TUBB8: variants seen among roughly 807,000 people sequenced by gnomAD.
TUBB8 encodes the protein tubulin beta-8 chain.
Under a neutral mutation model 33.7 loss-of-function variants are expected in TUBB8, and 25 were observed. That is an observed-to-expected ratio of 0.74 (90% CI 0.54 to 1.04). TUBB8 has a LOEUF of 1.04. Among genes scored for constraint, TUBB8 ranks in the 50% least tolerant of loss-of-function variants. TUBB8 has a pLI of 0.00. For missense variants in TUBB8, 279 were observed against 608.0 expected, an observed-to-expected ratio of 0.46 and a Z score of 5.69; for synonymous variants, 245 against 240.1, an observed-to-expected ratio of 1.02 and a Z score of -0.19.
At chr10:74,336 A>C (rs1384970731), upstream of TUBB8, among the ~76,000 whole-genome samples, 1 of 151,572 alleles carries the variant, frequency 6.6e-6, no homozygotes, top group Non-Finnish European at 1.5e-5. Flanking sequence ...ACGCATGGAG[A>C]TAGCAATCGA....
At chr10:58,613 G>A (rs570824161) in intron 1 of TUBB8, among the ~76,000 whole-genome samples, 149 of 152,286 alleles carry the variant, frequency 9.8e-4, no homozygotes, top group African/African-American at 3.5e-3. Context: ...GCAAAAAGCA[G>A]GAGCAGAAAA....
At chr10:67,130 CTGAGT>C (rs1834680453) in intron 1 of TUBB8, among the ~76,000 whole-genome samples, 1 of 145,494 alleles carries the variant, frequency 6.9e-6, no homozygotes, top group Non-Finnish European at 1.5e-5. Context: ...ATGTGAGCCT[CTGAGT>C]TGTTTTGTTT....
intron 1 of TUBB8, among the ~76,000 whole-genome samples, chr10:65,226 AC>A (rs1834655473): frequency 6.6e-6 from 1 of 152,154 alleles, no homozygotes; most frequent in South Asian, 2.1e-4. Context: ...TTTGACCCAG[AC>A]CTCATCATAC....
intron 1 of TUBB8, among the ~76,000 whole-genome samples, chr10:66,012 A>T (rs1217607907): frequency 2.6e-5 from 4 of 152,252 alleles, no homozygotes; most frequent in Non-Finnish European, 5.9e-5. Context: ...TCTAAACACC[A>T]CAATCGGACT....
chr10:47,932 T>C lies in TUBB8; in HGVS notation c.460A>G (p.Lys154Glu). ...GSGMGTLLLSKIREEYPDRII... is the reference protein window; with the variant it reads ...GSGMGTLLLSEIREEYPDRII... ...CTGTCTGGGTACTCCTCCCGGATCTTACTGAGCAGAAGGGTACCCATCCCA... is the reference window on the plus strand; with the variant it reads ...CTGTCTGGGTACTCCTCCCGGATCTCACTGAGCAGAAGGGTACCCATCCCA... Residue 154 changes from lysine (K) to glutamate (E), a missense_variant, in exon 4 of 4, where the codon AAG (lysine) becomes GAG (glutamate). Coordinates refer to ENST00000568584, the MANE Select transcript of TUBB8 (RefSeq NM_177987.3). The C allele has an allele frequency of 6.2e-7, 1 of 1,614,034 alleles. No individual in the cohort carries two copies. The highest frequency in any genetic ancestry group is 8.5e-7 in the Non-Finnish European group (1 of 1,180,042).
chr10:60,606 G>A (rs1394069196), intron 1 of TUBB8, among the ~76,000 whole-genome samples: 152 of 152,196 alleles, frequency 1.0e-3, no homozygotes, highest in African/African-American at 3.5e-3. Context: ...GGAGAAATAG[G>A]AACACTTTTA....
At chr10:49,591 T>G (rs1336914907), upstream of TUBB8, 1 of 531,308 alleles carries the variant, frequency 1.9e-6, no homozygotes. Context: ...TGTTTCCATA[T>G]GCACGGAGTG....
At chr10:48,174 C>T (rs1554738630) in intron 3 of TUBB8, 60 bp from the exon 4 acceptor site, 3 of 1,096,414 alleles carry the variant, frequency 2.7e-6, no homozygotes, top group East Asian at 2.4e-5. Context: ...GTGGTCACCA[C>T]CATAATGCAG....
chr10:70,848 A>G (rs548920834), intron 1 of TUBB8, among the ~76,000 whole-genome samples: 2 of 152,212 alleles, frequency 1.3e-5, no homozygotes, highest in South Asian at 4.1e-4. Context: ...GTCTCAAAAA[A>G]TAAAAAATAA....
chr10:66,484 AC>A (rs1834672320), intron 1 of TUBB8, among the ~76,000 whole-genome samples: 1 of 152,204 alleles, frequency 6.6e-6, no homozygotes. Flanking sequence ...CACTCTCTCT[AC>A]AAATAACTTA....
chr10:54,643 A>G (rs1250847733), intron 1 of TUBB8, among the ~76,000 whole-genome samples: 1 of 152,216 alleles, frequency 6.6e-6, no homozygotes, highest in African/African-American at 2.4e-5. Flanking sequence ...TAAATGTCCA[A>G]TTAAATTTTT....
At chr10:64,489 C>T (rs1302891722) in intron 1 of TUBB8, among the ~76,000 whole-genome samples, 1 of 151,658 alleles carries the variant, frequency 6.6e-6, no homozygotes, top group African/African-American at 2.4e-5. Context: ...TAACCCCTAA[C>T]CCTAACCCTC....
At chr10:76,353 G>C (rs7913518), upstream of TUBB8, among the ~76,000 whole-genome samples, 177 of 152,194 alleles carry the variant, frequency 1.2e-3, 1 homozygote, top group African/African-American at 4.2e-3. Context: ...AGCCGCCCAA[G>C]CCTCCATGAA....
intron 1 of TUBB8, among the ~76,000 whole-genome samples, chr10:58,004 T>C (rs1834554457): frequency 6.6e-6 from 1 of 152,248 alleles, no homozygotes; most frequent in African/African-American, 2.4e-5. Flanking sequence ...CATGTGAGCA[T>C]AGGTTGTTAG....
intron 1 of TUBB8, among the ~76,000 whole-genome samples, chr10:65,532 C>T (rs1834659361): frequency 6.6e-6 from 1 of 152,206 alleles, no homozygotes; most frequent in East Asian, 1.9e-4. Flanking sequence ...TGAGACCAGT[C>T]TTGCCAACAT....
upstream of TUBB8, among the ~76,000 whole-genome samples, chr10:75,444 C>A (rs1834798798): frequency 6.6e-6 from 1 of 151,512 alleles, no homozygotes; most frequent in Non-Finnish European, 1.5e-5. Context: ...CACCTGAGGT[C>A]AGGAGTTCGA....
chr10:58,695 C>A (rs1379029994), intron 1 of TUBB8, among the ~76,000 whole-genome samples: 1 of 152,122 alleles, frequency 6.6e-6, no homozygotes, highest in African/African-American at 2.4e-5. Context: ...GAAGATAGTA[C>A]CAAGTGGGAT....
At chr10:46,605 A>C (rs1219857601), downstream of TUBB8, among the ~76,000 whole-genome samples, 1 of 145,028 alleles carries the variant, frequency 6.9e-6, no homozygotes, top group Admixed American at 7.0e-5. Flanking sequence ...ACGTTCCAGA[A>C]ACATGGCCAG....
intron 1 of TUBB8, among the ~76,000 whole-genome samples, chr10:55,268 C>T (rs79643527): frequency 8.5e-4 from 130 of 152,296 alleles, no homozygotes; most frequent in Non-Finnish European, 1.8e-4. Context: ...AGAAGAACAA[C>T]CTGGAGGGAA....
Sources: gnomAD v4.1 joint callset for allele counts (sites outside exome capture counted in the v4.1 genomes callset) on GRCh38, gnomAD v4.1.1 for gene constraint, MANE v1.5 for transcripts, NCBI Gene and HGNC (gene_info 2026-07-23, HGNC 2026-07-21) for gene names.